The following STPG2 variants were observed in gnomAD, a reference collection of about 807,000 sequenced individuals.
The protein encoded by STPG2 is sperm tail PG-rich repeat containing 2.
In STPG2, 56 loss-of-function variants were observed where a neutral mutation model predicts 54.2. The ratio of observed to expected loss-of-function variants is 1.03; its 90% confidence interval spans 0.83 to 1.29. The LOEUF (loss-of-function observed/expected upper bound fraction) is 1.29. STPG2 is among the 50% of genes most tolerant of loss of function. The probability of loss-of-function intolerance (pLI) is 0.00; values close to 1 mark genes in which losing one functional copy is unlikely to be tolerated. For missense variants in STPG2, 596 were observed against 544.9 expected (o/e 1.09, Z -0.93); for synonymous variants, 200 against 181.8 (o/e 1.10, Z -0.81).
chr4:97,831,336 C>G (rs1728451650), intron 9 of STPG2, among the ~76,000 whole-genome samples: 3 of 152,068 alleles, frequency 2.0e-5, no homozygotes, highest in Non-Finnish European at 4.4e-5. Context: ...AGAACAAAAA[C>G]ACAATGTAGT....
At chr4:98,130,070 A>G (rs1578185062) in intron 2 of STPG2, among the ~76,000 whole-genome samples, 1 of 149,966 alleles carries the variant, frequency 6.7e-6, no homozygotes, top group Non-Finnish European at 1.5e-5. Flanking sequence ...ATGTTGGCCA[A>G]GCTGGTCTTG....
chr4:97,867,664 A>G (rs1729840981), intron 8 of STPG2, among the ~76,000 whole-genome samples: 1 of 152,044 alleles, frequency 6.6e-6, no homozygotes, highest in Non-Finnish European at 1.5e-5. Context: ...ACAACATGAC[A>G]ACGGAAAGTT....
chr4:97,711,176 A>C lies in STPG2; in HGVS notation c.1320+1523T>G, dbSNP rs1724104951. On this transcript the variant is annotated intron_variant, in intron 10 of 10. Transcript: ENST00000295268. The stretch of plus-strand genomic sequence containing the variant: ...TTTATTATTTGTGGATACCATTAAA[A>C]TGAGTTTTTTAAAGGAGAGAAATTG... 3.3e-5 allele frequency among the ~76,000 whole-genome samples: 5 copies of C among 152,030 alleles called. No individual in the cohort carries two copies. In the South Asian group the frequency reaches 1.0e-3, roughly 32 times the overall value.
chr4:97,825,664 T>C (rs1347580063), intron 9 of STPG2, among the ~76,000 whole-genome samples: 2 of 152,294 alleles, frequency 1.3e-5, no homozygotes, highest in East Asian at 3.9e-4. Context: ...ATTAAGAAAC[T>C]GGTAAATGAA....
At chr4:97,694,971 C>A (rs1399503972) in intron 10 of STPG2, among the ~76,000 whole-genome samples, 2 of 150,840 alleles carry the variant, frequency 1.3e-5, no homozygotes, top group East Asian at 3.9e-4. Context: ...AGAGGGAATC[C>A]TTCCTAAATC....
intron 10 of STPG2, among the ~76,000 whole-genome samples, chr4:97,664,798 A>T (rs2148964409): frequency 6.6e-6 from 1 of 152,066 alleles, no homozygotes; most frequent in East Asian, 1.9e-4. Context: ...CCTTTGCCCA[A>T]GTTTTGCTCA....
intron 8 of STPG2, among the ~76,000 whole-genome samples, chr4:97,849,780 G>A (rs1452059825): frequency 2.0e-5 from 3 of 151,892 alleles, no homozygotes; most frequent in Non-Finnish European, 2.9e-5. Flanking sequence ...AACAGGTGCT[G>A]GAGAGGATGT....
intron 9 of STPG2, among the ~76,000 whole-genome samples, chr4:97,837,640 A>G (rs1195972508): frequency 4.6e-5 from 7 of 151,700 alleles, no homozygotes; most frequent in Non-Finnish European, 8.9e-5. Context: ...CACAACACTA[A>G]AGGGTATACA....
chr4:97,743,184 A>G (rs1176607705), intron 9 of STPG2, among the ~76,000 whole-genome samples: 2 of 151,716 alleles, frequency 1.3e-5, no homozygotes, highest in Admixed American at 1.3e-4. Flanking sequence ...AAGAGCGAAG[A>G]TCTGGAAGAT....
At chr4:97,790,930 A>C (rs1418174127) in intron 9 of STPG2, among the ~76,000 whole-genome samples, 1 of 152,182 alleles carries the variant, frequency 6.6e-6, no homozygotes, top group African/African-American at 2.4e-5. Flanking sequence ...TTCTTTCTAC[A>C]AAACCAAAAG....
intron 10 of STPG2, among the ~76,000 whole-genome samples, chr4:97,570,503 C>T (rs1230661167): frequency 6.6e-6 from 1 of 152,020 alleles, no homozygotes; most frequent in Admixed American, 6.6e-5. Flanking sequence ...AAAGATACCA[C>T]TCTCTACTCT....
chr4:97,458,659 G>A (rs1729585365), intron 4 of STPG2, among the ~76,000 whole-genome samples: 1 of 151,984 alleles, frequency 6.6e-6, no homozygotes, highest in Non-Finnish European at 1.5e-5. Context: ...AAAGCACAAT[G>A]GAAATGTTTA....
rs531323202 is a variant in STPG2 at position 97,974,599 on chromosome 4, C to T, written c.773-2159G>A. Among the ~76,000 whole-genome samples the T allele has an allele frequency of 8.7e-4, 133 of 152,140 alleles. 1 individual carries two copies. Among genetic ancestry groups the T allele is most frequent in the African/African-American group, 3.2e-3 (131 of 41,518 alleles). On this transcript the variant is annotated intron_variant, in intron 6 of 10. Transcript: ENST00000295268. ...AATTGAATCACGGGGGTGGGTCTTT[C>T]CCGTGTTGTTCTCATGATAGTGAGT...
intron 7 of STPG2, among the ~76,000 whole-genome samples, chr4:97,957,100 G>C (rs1733700472): frequency 1.4e-5 from 2 of 140,860 alleles, no homozygotes; most frequent in South Asian, 4.4e-4. Flanking sequence ...ATACATAGGT[G>C]AAATATACAT....
chr4:97,896,093 A>G (rs1730943945), intron 8 of STPG2, among the ~76,000 whole-genome samples: 2 of 151,792 alleles, frequency 1.3e-5, no homozygotes, highest in Non-Finnish European at 3.0e-5. Context: ...TCCTCATGAT[A>G]GTATAATGGC....
intron 5 of STPG2, among the ~76,000 whole-genome samples, chr4:98,028,026 G>A (rs1387671027): frequency 6.6e-6 from 1 of 152,076 alleles, no homozygotes; most frequent in Non-Finnish European, 1.5e-5. Context: ...GATAATGCAG[G>A]TCTATTTTTG....
At chr4:98,010,149 T>G (rs1277867422) in intron 5 of STPG2, among the ~76,000 whole-genome samples, 2 of 152,010 alleles carry the variant, frequency 1.3e-5, no homozygotes, top group Admixed American at 6.6e-5. Context: ...TAACTTTTGG[T>G]TTTTTTCTTA....
At chr4:98,086,688 G>T (rs1028590796) in intron 5 of STPG2, among the ~76,000 whole-genome samples, 2 of 75,246 alleles carry the variant, frequency 2.7e-5, no homozygotes, top group African/African-American at 5.8e-5. Flanking sequence ...AAAAAAAAAA[G>T]GTGCCCTGCA....
chr4:98,051,570 A>G (rs1159876737), intron 5 of STPG2, among the ~76,000 whole-genome samples: 2 of 152,128 alleles, frequency 1.3e-5, no homozygotes, highest in African/African-American at 2.4e-5. Flanking sequence ...ATATTATGAT[A>G]TAACACAAAC....
Sources: gnomAD v4.1 joint callset for allele counts (sites outside exome capture counted in the v4.1 genomes callset) on GRCh38, gnomAD v4.1.1 for gene constraint, MANE v1.5 for transcripts, NCBI Gene and HGNC (gene_info 2026-07-23, HGNC 2026-07-21) for gene names.